Variants in ARAP1 observed in about 807,000 individuals in gnomAD.
ARAP1 encodes arf-GAP with Rho-GAP domain, ANK repeat and PH domain-containing protein 1.
Under a neutral mutation model 172.2 loss-of-function variants are expected in ARAP1, and 76 were observed. The observed-to-expected ratio is 0.44, with a 90% CI of 0.37 to 0.53. The LOEUF is 0.53. Among genes scored for constraint, ARAP1 ranks in the 20% least tolerant of loss-of-function variants. The probability of loss-of-function intolerance (pLI) is 0.00; values close to 1 mark genes in which losing one functional copy is unlikely to be tolerated. For missense variants in ARAP1, 1,686 were observed against 1,977.5 expected (o/e 0.85, Z 2.80); for synonymous variants, 804 against 803.3 (o/e 1.00, Z -0.01).
chr11:72,743,590 G>C (rs1858269212), intron 1 of ARAP1, among the ~76,000 whole-genome samples: 1 of 152,208 alleles, frequency 6.6e-6, no homozygotes, highest in African/African-American at 2.4e-5. Flanking sequence ...AGAGTTGGAG[G>C]AGGCAGGTGT....
intron 1 of ARAP1, among the ~76,000 whole-genome samples, chr11:72,735,890 T>C (rs943317462): frequency 1.6e-4 from 24 of 152,174 alleles, no homozygotes; most frequent in African/African-American, 5.8e-4. Context: ...ACCTCAGACC[T>C]GGACTGGCCC....
At position 72,701,664 on chromosome 11, in the gene ARAP1, G is replaced by A. The variant is rs878986211; in HGVS notation, c.2287C>T (p.Arg763Cys). The A allele has an allele frequency of 8.1e-6, 13 of 1,613,396 alleles. No individual in the cohort carries two copies. The highest frequency in any genetic ancestry group is 4.4e-5 in the South Asian group (4 of 91,064). ...TGGCACCCACCTTCCCGGGCCCGGC[G>A]GTCCTGTAGCAGCTTGCCGGCAGAG... ...TASAGKLLQD[R>C]RAREEFSRRW... Residue 763 changes from arginine to cysteine, a missense_variant, in exon 16 of 35, where the codon CGC (arginine) becomes TGC (cysteine). Transcript: ENST00000393609.
At position 72,704,137 on chromosome 11, in the gene ARAP1, C is replaced by G. The variant is rs1250656749; in HGVS notation, c.1992+15G>C. On this transcript the variant is annotated intron_variant, in intron 14 of 34. Coordinates refer to ENST00000393609, the MANE Select transcript of ARAP1 (RefSeq NM_001040118.3). ...GGGGTGGTCCCAAGGGGCCCCAGAGCTGCAGTGCCCTGACCTTGTCCAGCT... is the reference window on the plus strand; with the variant it reads ...GGGGTGGTCCCAAGGGGCCCCAGAGGTGCAGTGCCCTGACCTTGTCCAGCT... The G allele has an allele frequency of 6.2e-7, 1 of 1,613,900 alleles. No homozygotes were observed. The highest frequency in any genetic ancestry group is 2.2e-5 in the East Asian group (1 of 44,884).
In ARAP1 at chr11:72,727,040, T is replaced by A; in HGVS notation, c.89A>T (p.His30Leu). The A allele has an allele frequency of 6.2e-7, 1 of 1,610,428 alleles. No individual in the cohort carries two copies. Among genetic ancestry groups the A allele is most frequent in the Non-Finnish European group, 8.5e-7 (1 of 1,178,458 alleles). The change falls in exon 3 of 35, where the codon CAT becomes CTT. Residue 30 changes from histidine to leucine, a missense_variant. His to Leu is a moderately conservative substitution (Grantham distance 99). Coordinates refer to ENST00000393609, the MANE Select transcript of ARAP1 (RefSeq NM_001040118.3). ...GCACTCAGTGGCCCACACCAGGCCATGCTGCTCAAAGAGCCCCGTGTACTG... is the reference window on the plus strand; with the variant it reads ...GCACTCAGTGGCCCACACCAGGCCAAGCTGCTCAAAGAGCCCCGTGTACTG... ...LEQYTGLFEQ[H>L]GLVWATECQG...
Position 72,695,865 on chromosome 11 carries a change from A to G in ARAP1, c.3273T>C (p.Cys1091=). The G allele has an allele frequency of 1.9e-6, 3 of 1,610,704 alleles. No homozygotes were observed. The highest frequency in any genetic ancestry group is 2.2e-5 in the East Asian group (1 of 44,884). The change falls in exon 24 of 35, where the codon TGT becomes TGC. Residue 1091 remains cysteine, a splice_region_variant and synonymous_variant. Coordinates refer to ENST00000393609, the MANE Select transcript of ARAP1 (RefSeq NM_001040118.3). The surrounding 1 kb of genome is among the most constrained non-coding windows in gnomAD (Gnocchi z 4.4). ...GGTTCGTGTCTGAGAAGCACTGAAC[A>G]CTGGAGAGGGGAGGAGGAGGGCTTT... ...TVKALISHLY[C]VQCFSDTNQM...
intron 1 of ARAP1, among the ~76,000 whole-genome samples, chr11:72,746,600 A>C (rs1414502488): frequency 6.6e-6 from 1 of 152,104 alleles, no homozygotes; most frequent in Non-Finnish European, 1.5e-5. Flanking sequence ...TCAGACTCAG[A>C]ATCTTAAAAT....
intron 3 of ARAP1, among the ~76,000 whole-genome samples, chr11:72,724,356 G>T (rs1442662134): frequency 1.3e-5 from 2 of 152,136 alleles, no homozygotes; most frequent in Admixed American, 1.3e-4. Flanking sequence ...AGGCCCTAAG[G>T]TTGAGAGAGT....
At position 72,745,182 on chromosome 11, in the gene ARAP1, CTTTTTTTTTT is replaced by C. The variant is rs902550014; in HGVS notation, c.-128+7136_-128+7145del. ...CCCACACAGCAGCCCAAGTTTCTTT[CTTTTTTTTTT>C]TTTTTTTTTTTTTTGAGACGGAGTC... On this transcript the variant is annotated intron_variant, in intron 1 of 34. Coordinates refer to ENST00000393609, the MANE Select transcript of ARAP1 (RefSeq NM_001040118.3). 3.6e-3 allele frequency among the ~76,000 whole-genome samples: 316 copies of C among 88,318 alleles called. 2 individuals are homozygous for C. The highest frequency in any genetic ancestry group is 5.2e-3 in the Non-Finnish European group (250 of 47,996). The allele number at this position is 88,318 out of a possible 152,430, so 57.9% of individuals were successfully genotyped here. A position where few individuals can be genotyped will look rare whatever the true frequency, so the allele number is the denominator to read the frequency against.
Position 72,699,670 on chromosome 11 carries a change from T to C in ARAP1, c.2303-118A>G. The C allele has an allele frequency of 2.9e-6, 4 of 1,387,250 alleles. No homozygotes were observed. Among genetic ancestry groups the C allele is most frequent in the Non-Finnish European group, 3.9e-6 (4 of 1,033,584 alleles). 85.9% of individuals were successfully genotyped at this position (1,387,250 alleles called of 1,614,324 possible). The stretch of plus-strand genomic sequence containing the variant: ...CCCATGAGCTCTTCATTCTCTCAAG[T>C]TTTCCCTAAATCCATCCACCTCTCT... On this transcript the variant is annotated intron_variant, in intron 16 of 34. Coordinates refer to ENST00000393609, the MANE Select transcript of ARAP1 (RefSeq NM_001040118.3). The surrounding 1 kb of genome is among the most constrained non-coding windows in gnomAD (Gnocchi z 4.2).
Position 72,695,795 on chromosome 11 carries a change from A to G in ARAP1, c.3343T>C (p.Phe1115Leu). 1.2e-6 allele frequency: 2 copies of G among 1,614,186 alleles called. No homozygotes were observed. The highest frequency in any genetic ancestry group is 2.7e-5 in the African/African-American group (2 of 75,066). Residue 1115 changes from phenylalanine to leucine, a missense_variant, in exon 24 of 35, where the codon TTC (phenylalanine) becomes CTC (leucine). Physicochemically the swap from Phe to Leu is conservative, Grantham distance 22. Transcript: ENST00000393609. This position sits in a 1 kb window ranked among gnomAD's most constrained non-coding sequence, Gnocchi z 4.4. ...TTGTAGTCCTGCCCATCTGTCTGGA[A>G]GAGCGTGGGCCCAAACACAATTGCC... ...NLAIVFGPTL[F>L]QTDGQDYKAG...
At chr11:72,748,900 T>C (rs115315286) in intron 1 of ARAP1, among the ~76,000 whole-genome samples, 1,539 of 152,268 alleles carry the variant, frequency 0.01, 31 homozygotes, top group African/African-American at 0.035. Context: ...CTGAGTTTTG[T>C]GGGGCATGCA....
chr11:72,709,870 C>T lies in ARAP1; in HGVS notation c.1523G>A (p.Ser508Asn). Residue 508 changes from serine to asparagine, a missense_variant and splice_region_variant, in exon 11 of 35, where the codon AGC becomes AAC. Physicochemically the swap from Ser to Asn is conservative, Grantham distance 46. Coordinates refer to ENST00000393609, the MANE Select transcript of ARAP1 (RefSeq NM_001040118.3). ...FDLTTPYRIFSFSADSELEKE... is the reference protein window; with the variant it reads ...FDLTTPYRIFNFSADSELEKE... The stretch of plus-strand genomic sequence containing the variant: ...GTGAGCCAAGAAGATGGAGGGTCAC[C>T]TGAAGATGCGGTAGGGCGTGGTGAG... The T allele has an allele frequency of 6.2e-7, 1 of 1,614,016 alleles. No homozygotes were observed. The highest frequency in any genetic ancestry group is 8.5e-7 in the Non-Finnish European group (1 of 1,179,932).
chr11:72,695,515 G>GC lies in ARAP1; in HGVS notation c.3507+26dup, dbSNP rs759732843. 4.3e-6 allele frequency: 7 copies of GC among 1,614,086 alleles called. No individual in the cohort carries two copies. Among genetic ancestry groups the GC allele is most frequent in the Non-Finnish European group, 5.9e-6 (7 of 1,180,018 alleles). ...AAATGGGTGCAGGTGGCAGGTCCAA[G>GC]CCCCCCACCCAGGCTCCAGCCTTCA... On this transcript the variant is annotated intron_variant, in intron 25 of 34. Transcript: ENST00000393609. The surrounding 1 kb of genome is among the most constrained non-coding windows in gnomAD (Gnocchi z 4.4).
At chr11:72,689,973 C>T (rs1254152940) in intron 30 of ARAP1, among the ~76,000 whole-genome samples, 1 of 152,078 alleles carries the variant, frequency 6.6e-6, no homozygotes, top group African/African-American at 2.4e-5. Flanking sequence ...AACTGGAAGA[C>T]AGCTGATGGC....
intron 16 of ARAP1, 28 bp downstream of exon 16, chr11:72,701,621 C>CTAAA (rs767679706): frequency 3.8e-5 from 61 of 1,604,472 alleles, no homozygotes; most frequent in Non-Finnish European, 4.7e-5. Flanking sequence ...ATGCCATGGG[C>CTAAA]TAAAGCAGAG....
At chr11:72,692,635 G>T in intron 30 of ARAP1, 118 bp downstream of exon 30, 1 of 1,356,186 alleles carries the variant, frequency 7.4e-7, no homozygotes, top group Non-Finnish European at 1.0e-6. Flanking sequence ...CGGGCAAGGG[G>T]GCAGGGATCC....
intron 4 of ARAP1, 144 bp downstream of exon 4, chr11:72,714,008 G>T: frequency 3.4e-6 from 3 of 884,742 alleles, no homozygotes; most frequent in Non-Finnish European, 4.8e-6. Flanking sequence ...GCTCAGGGAG[G>T]CTGTGACCTG....
At chr11:72,690,072 G>T (rs192967314) in intron 30 of ARAP1, among the ~76,000 whole-genome samples, 1 of 152,298 alleles carries the variant, frequency 6.6e-6, no homozygotes, top group Non-Finnish European at 1.5e-5. Context: ...GAAGGATGTG[G>T]GGGAAACTGG....
At chr11:72,712,943 C>T in intron 5 of ARAP1, 1 of 603,516 alleles carries the variant, frequency 1.7e-6, no homozygotes. Context: ...CACATGCCCA[C>T]CCACATACAG....
Sources: allele counts gnomAD v4.1 joint callset (sites outside exome capture counted in the v4.1 genomes callset), GRCh38; gene constraint gnomAD v4.1.1; non-coding constraint Gnocchi (gnomAD v3.1); transcripts MANE v1.5; gene names NCBI Gene and HGNC (gene_info 2026-07-23, HGNC 2026-07-21).